Variants in KCNQ1 observed in about 807,000 individuals in gnomAD.
KCNQ1 encodes potassium voltage-gated channel subfamily Q member 1, also known as potassium voltage-gated channel subfamily KQT member 1.
KCNQ1 carries 49 observed loss-of-function variants against 72.4 expected under a neutral mutation model. The ratio of observed to expected loss-of-function variants is 0.68; its 90% CI spans 0.54 to 0.86. KCNQ1 has a LOEUF of 0.86. Ranked by LOEUF, KCNQ1 falls within the 40% of genes least tolerant of loss-of-function variation. KCNQ1 has a pLI of 0.00. For synonymous variants in KCNQ1, 450 were observed against 412.6 expected, an observed-to-expected ratio of 1.09 and a Z score of -1.10; for missense variants, 790 against 945.1, an observed-to-expected ratio of 0.84 and a Z score of 2.15.
At position 2,494,180 on chromosome 11, in the gene KCNQ1, AT is replaced by A. The variant is rs1846875428; in HGVS notation, c.387-33744del. Among the ~76,000 whole-genome samples the A allele has an allele frequency of 6.6e-6, 1 of 151,992 alleles. No homozygotes were observed. The highest frequency in any genetic ancestry group is 2.1e-4 in the South Asian group (1 of 4,826). On this transcript the variant is annotated intron_variant, in intron 1 of 15. Coordinates refer to ENST00000155840, the MANE Select transcript of KCNQ1 (RefSeq NM_000218.3). The surrounding 1 kb of genome is among the most constrained non-coding windows in gnomAD (Gnocchi z 4.6). ...TTTTGGTGTATAGGAATGCTTGTGA[AT>A]TTTGCACATTGATTTTGTATCCCAA...
At chr11:2,743,074 G>C (rs1417750259) in intron 11 of KCNQ1, among the ~76,000 whole-genome samples, 1 of 152,194 alleles carries the variant, frequency 6.6e-6, no homozygotes, top group East Asian at 1.9e-4. Context: ...GAGGACAGCC[G>C]GCCTGAGCAG....
At chr11:2,688,496 C>G (rs1388772762) in intron 11 of KCNQ1, 2 of 398,624 alleles carry the variant, frequency 5.0e-6, no homozygotes, top group Non-Finnish European at 8.8e-6. Context: ...GGTTGCCCTG[C>G]TCTGGGTGAT....
chr11:2,466,131 G>C (rs1846348297), intron 1 of KCNQ1, among the ~76,000 whole-genome samples: 1 of 152,216 alleles, frequency 6.6e-6, no homozygotes, highest in Non-Finnish European at 1.5e-5. Flanking sequence ...CTGAGGCTTT[G>C]CCTAGGGAGT....
chr11:2,839,850 C>T (rs1212602390), intron 15 of KCNQ1: 1 of 152,242 alleles, frequency 6.6e-6, no homozygotes, highest in African/African-American at 2.4e-5. Flanking sequence ...CACTCCCCGA[C>T]TGGATGCCAG....
At chr11:2,574,676 C>A (rs935428234) in intron 6 of KCNQ1, among the ~76,000 whole-genome samples, 2 of 152,228 alleles carry the variant, frequency 1.3e-5, no homozygotes, top group Non-Finnish European at 1.5e-5. Context: ...CCTCCCTCCC[C>A]CTCAACCGCC....
rs925659779 is a variant in KCNQ1 at position 2,619,993 on chromosome 11, G to A, written c.1393+31139G>A. On this transcript the variant is annotated intron_variant, in intron 10 of 15. Transcript: ENST00000155840. Reference sequence around the variant, plus strand: ...AGGTAGTGAGCATAGTACCCAATAGGTAGGTTTTCAGCCCACCTCTCCATT... The same window carrying A: ...AGGTAGTGAGCATAGTACCCAATAGATAGGTTTTCAGCCCACCTCTCCATT... 43 of 398,130 alleles carry A rather than the reference G, an allele frequency of 1.1e-4. No individual in the cohort carries two copies. The Middle Eastern group carries it at 1.9e-3, about 17-fold the overall frequency. The allele number at this position is 398,130 out of a possible 1,614,324, so 24.7% of individuals were successfully genotyped here. A position where few individuals can be genotyped will look rare whatever the true frequency, so the allele number is the denominator to read the frequency against.
Position 2,647,628 on chromosome 11 carries a change from G to C in KCNQ1, c.1394-14333G>C. ...TTCAGTAGAAAACCCGTGCAATCCT[G>C]AGGTTTTCTTTACTGGGAGACTTTA... On this transcript the variant is annotated intron_variant, in intron 10 of 15. Coordinates refer to ENST00000155840, the MANE Select transcript of KCNQ1 (RefSeq NM_000218.3). This position sits in a 1 kb window ranked among gnomAD's most constrained non-coding sequence, Gnocchi z 4.0. 2.5e-6 allele frequency: 1 copy of C among 398,516 alleles called. No homozygotes were observed. Among genetic ancestry groups the C allele is most frequent in the Non-Finnish European group, 4.4e-6 (1 of 226,042 alleles). The allele number at this position is 398,516 out of a possible 1,614,324, so 24.7% of individuals were successfully genotyped here.
intron 12 of KCNQ1, among the ~76,000 whole-genome samples, chr11:2,771,827 A>C (rs1846604525): frequency 6.6e-6 from 1 of 152,218 alleles, no homozygotes; most frequent in African/African-American, 2.4e-5. Context: ...GGAGGAACAC[A>C]GTGAGCCCTG....
chr11:2,658,741 A>G lies in KCNQ1; in HGVS notation c.1394-3220A>G. 2.5e-6 allele frequency: 1 copy of G among 398,586 alleles called. No individual in the cohort carries two copies. The allele number at this position is 398,586 out of a possible 1,614,324, so 24.7% of individuals were successfully genotyped here. A position where few individuals can be genotyped will look rare whatever the true frequency, so the allele number is the denominator to read the frequency against. On this transcript the variant is annotated intron_variant, in intron 10 of 15. Coordinates refer to ENST00000155840, the MANE Select transcript of KCNQ1 (RefSeq NM_000218.3). The surrounding 1 kb of genome is among the most constrained non-coding windows in gnomAD (Gnocchi z 4.9). ...CATACATCTTTACATATCTGTATCTATATAAAGCTAACCATGAGTTCATAC... is the reference window on the plus strand; with the variant it reads ...CATACATCTTTACATATCTGTATCTGTATAAAGCTAACCATGAGTTCATAC...
intron 4 of KCNQ1, among the ~76,000 whole-genome samples, chr11:2,571,736 C>G (rs1043908310): frequency 6.6e-6 from 1 of 152,176 alleles, no homozygotes; most frequent in Non-Finnish European, 1.5e-5. Context: ...AGGAGCCCCC[C>G]AGAAGGCAGT....
chr11:2,577,952 C>T (rs1848447264), intron 6 of KCNQ1, among the ~76,000 whole-genome samples: 1 of 152,198 alleles, frequency 6.6e-6, no homozygotes, highest in South Asian at 2.1e-4. Flanking sequence ...ATTGGCCCTG[C>T]CCTCTGTAGT....
chr11:2,589,678 T>G (rs528401199), intron 10 of KCNQ1, among the ~76,000 whole-genome samples: 2 of 152,300 alleles, frequency 1.3e-5, no homozygotes, highest in East Asian at 3.9e-4. Flanking sequence ...AGTGTCTGGT[T>G]GTGGCCCCCC....
chr11:2,521,895 T>C (rs1371225738), intron 1 of KCNQ1, among the ~76,000 whole-genome samples: 2 of 152,206 alleles, frequency 1.3e-5, no homozygotes, highest in African/African-American at 2.4e-5. Context: ...GGGCAGGTCA[T>C]GGAGTCTCCA....
In KCNQ1 at chr11:2,620,102, A is replaced by C. The variant is rs1421492885; in HGVS notation, c.1393+31248A>C. 1 of 398,220 alleles carries C rather than the reference A, an allele frequency of 2.5e-6. No homozygotes were observed. Among genetic ancestry groups the C allele is most frequent in the African/African-American group, 2.1e-5 (1 of 48,562 alleles). 24.7% of individuals were successfully genotyped at this position (398,220 alleles called of 1,614,324 possible). A position where few individuals can be genotyped will look rare whatever the true frequency, so the allele number is the denominator to read the frequency against. ...GTTTAGGTCCCACTTGCAAGTGGTA[A>C]CATGCAGTATTTGGTTTTCTGTTCC... On this transcript the variant is annotated intron_variant, in intron 10 of 15. Coordinates refer to ENST00000155840, the MANE Select transcript of KCNQ1 (RefSeq NM_000218.3). This position sits in a 1 kb window ranked among gnomAD's most constrained non-coding sequence, Gnocchi z 4.5.
At chr11:2,501,179 C>T (rs1847004214) in intron 1 of KCNQ1, among the ~76,000 whole-genome samples, 1 of 151,094 alleles carries the variant, frequency 6.6e-6, no homozygotes, top group Admixed American at 6.6e-5. Context: ...AATAATAAAG[C>T]TTAGAGCAGA....
At chr11:2,779,626 C>T (rs774157477) in intron 15 of KCNQ1, among the ~76,000 whole-genome samples, 2 of 152,222 alleles carry the variant, frequency 1.3e-5, no homozygotes, top group African/African-American at 2.4e-5. Flanking sequence ...ACCTTTCTTA[C>T]GGCTCTGCCC....
chr11:2,552,555 GA>G (rs1266554272), intron 2 of KCNQ1, among the ~76,000 whole-genome samples: 2 of 152,060 alleles, frequency 1.3e-5, no homozygotes, highest in East Asian at 1.9e-4. Context: ...ACATTCTCAT[GA>G]ATATCTTAGA....
At position 2,713,245 on chromosome 11, in the gene KCNQ1, C is replaced by T. The variant is rs1001118142; in HGVS notation, c.1514+51164C>T. On this transcript the variant is annotated intron_variant, in intron 11 of 15. Coordinates refer to ENST00000155840, the MANE Select transcript of KCNQ1 (RefSeq NM_000218.3). This position sits in a 1 kb window ranked among gnomAD's most constrained non-coding sequence, Gnocchi z 5.6. ...TCCCGAGCCAGCCGGACCTGCATCC[C>T]GCTCCTCCTCCGCTCCCTGGAAACG... Among the ~76,000 whole-genome samples, 8 of 152,236 alleles carry T rather than the reference C, an allele frequency of 5.3e-5. No individual in the cohort carries two copies. The highest frequency in any genetic ancestry group is 3.9e-4 in the East Asian group (2 of 5,176).
chr11:2,605,528 T>C (rs1396272588), intron 10 of KCNQ1, among the ~76,000 whole-genome samples: 5 of 152,252 alleles, frequency 3.3e-5, no homozygotes, highest in Admixed American at 6.5e-5. Flanking sequence ...TTCAACACTA[T>C]TTGTTCAAAA....
Sources: gnomAD v4.1 joint callset for allele counts (sites outside exome capture counted in the v4.1 genomes callset) on GRCh38, gnomAD v4.1.1 for gene constraint, Gnocchi (gnomAD v3.1) non-coding constraint, MANE v1.5 for transcripts, NCBI Gene and HGNC (gene_info 2026-07-23, HGNC 2026-07-21) for gene names.